Variants in BLTP3B observed in about 807,000 individuals in gnomAD.
BLTP3B encodes the protein bridge-like lipid transfer protein family member 3B, also known as UHRF1 (ICBP90) binding protein 1-like.
the BLTP3B span, among the ~76,000 whole-genome samples, chr12:100,066,417 A>G: frequency 2.6e-5 from 4 of 152,154 alleles, no homozygotes; most frequent in East Asian, 3.9e-4. Context: ...TAGCAACACA[A>G]TAATAGTGGG....
the BLTP3B span, among the ~76,000 whole-genome samples, chr12:100,048,735 G>GA: frequency 1.0e-4 from 12 of 119,550 alleles, no homozygotes; most frequent in South Asian, 2.8e-4. Flanking sequence ...GTAAGGGGGG[G>GA]GAGAGAGAGA....
the BLTP3B span, chr12:100,083,024 T>C: frequency 1.2e-6 from 2 of 1,611,694 alleles, no homozygotes; most frequent in South Asian, 1.1e-5. Flanking sequence ...ACCTGGTATA[T>C]ATTGAAATCT....
the BLTP3B span, among the ~76,000 whole-genome samples, chr12:100,094,687 T>C: frequency 6.6e-6 from 1 of 152,288 alleles, no homozygotes; most frequent in Non-Finnish European, 1.5e-5. Flanking sequence ...CGAAACTCCA[T>C]CTCTAACAAA....
chr12:100,099,882 C>T, the BLTP3B span, among the ~76,000 whole-genome samples: 22 of 149,142 alleles, frequency 1.5e-4, no homozygotes, highest in South Asian at 4.3e-4. Context: ...GAGCTGTGAT[C>T]ATGCCACTGC....
the BLTP3B span, chr12:100,037,379 C>T: frequency 5.3e-6 from 6 of 1,133,882 alleles, no homozygotes; most frequent in East Asian, 6.1e-5. Context: ...AATTATTTTA[C>T]ACTATGTGTT....
the BLTP3B span, chr12:100,128,698 C>G: frequency 7.8e-7 from 1 of 1,288,372 alleles, no homozygotes; most frequent in Non-Finnish European, 1.0e-6. Flanking sequence ...CACAGCACAC[C>G]AATCTCCACC....
the BLTP3B span, among the ~76,000 whole-genome samples, chr12:100,102,551 G>C: frequency 5.3e-5 from 8 of 152,076 alleles, no homozygotes; most frequent in Non-Finnish European, 7.3e-5. Flanking sequence ...TCTGCCATTA[G>C]TTAATCACTA....
the BLTP3B span, among the ~76,000 whole-genome samples, chr12:100,141,631 C>T: frequency 6.6e-6 from 1 of 152,116 alleles, no homozygotes; most frequent in South Asian, 2.1e-4. Flanking sequence ...AGTCTATAAT[C>T]ATACCCGTGT....
At chr12:100,125,097 C>T in the BLTP3B span, among the ~76,000 whole-genome samples, 5 of 148,128 alleles carry the variant, frequency 3.4e-5, no homozygotes, top group African/African-American at 1.2e-4. Flanking sequence ...TCTGGGAGGC[C>T]GAGATGGGCG....
the BLTP3B span, among the ~76,000 whole-genome samples, chr12:100,048,492 G>A: frequency 5.3e-5 from 8 of 152,132 alleles, no homozygotes; most frequent in East Asian, 1.4e-3. Flanking sequence ...GTTTGATTGT[G>A]TACCTAACTA....
chr12:100,047,687 T>C, the BLTP3B span: 1 of 1,338,254 alleles, frequency 7.5e-7, no homozygotes, highest in Non-Finnish European at 1.1e-6. Flanking sequence ...TCGGTCATAT[T>C]TTTAATGAGT....
the BLTP3B span, chr12:100,102,838 A>G: frequency 1.2e-6 from 2 of 1,602,820 alleles, no homozygotes; most frequent in South Asian, 2.3e-5. Flanking sequence ...ACTCATTTCC[A>G]TTATTACTTT....
the BLTP3B span, among the ~76,000 whole-genome samples, chr12:100,070,817 A>G: frequency 6.6e-6 from 1 of 152,036 alleles, no homozygotes; most frequent in Non-Finnish European, 1.5e-5. Flanking sequence ...AACAAGGAGA[A>G]AAGAAACCTC....
the BLTP3B span, among the ~76,000 whole-genome samples, chr12:100,063,858 G>A: frequency 6.6e-6 from 1 of 152,054 alleles, no homozygotes. Flanking sequence ...AAACAACTCT[G>A]GTAATATGAC....
At chr12:100,074,523 C>T in the BLTP3B span, among the ~76,000 whole-genome samples, 11 of 150,016 alleles carry the variant, frequency 7.3e-5, no homozygotes, top group Admixed American at 4.7e-4. Flanking sequence ...CGCTTGAACT[C>T]GGGAGACGGA....
At chr12:100,042,958 C>T in the BLTP3B span, among the ~76,000 whole-genome samples, 1 of 152,114 alleles carries the variant, frequency 6.6e-6, no homozygotes, top group Non-Finnish European at 1.5e-5. Flanking sequence ...CGCCAAGACA[C>T]CCAGCTAATT....
At chr12:100,058,463 A>G in the BLTP3B span, 4 of 1,613,242 alleles carry the variant, frequency 2.5e-6, no homozygotes, top group Admixed American at 6.7e-5. Context: ...GGATATGGCT[A>G]AGGTCAACAC....
At chr12:100,086,375 G>GTT in the BLTP3B span, 1 of 675,388 alleles carries the variant, frequency 1.5e-6, no homozygotes, top group East Asian at 4.3e-5. Context: ...AAAAAAAAGG[G>GTT]GGGGGGGGAA....
At chr12:100,139,826 T>A in the BLTP3B span, among the ~76,000 whole-genome samples, 3 of 152,110 alleles carry the variant, frequency 2.0e-5, no homozygotes, top group African/African-American at 7.2e-5. Flanking sequence ...GAAATAAATA[T>A]GTACGACAGA....
Sources: allele counts gnomAD v4.1 joint callset (sites outside exome capture counted in the v4.1 genomes callset), GRCh38; gene constraint gnomAD v4.1.1; transcripts MANE v1.5; gene names NCBI Gene and HGNC (gene_info 2026-07-23, HGNC 2026-07-21).